Variants in SERPINA3 observed in about 807,000 individuals in gnomAD.
The protein encoded by SERPINA3 is serpin family A member 3, also known as alpha-1-antichymotrypsin.
In SERPINA3, 32 loss-of-function variants were observed where a neutral mutation model predicts 26.8. That is an observed-to-expected ratio of 1.20 (90% CI 0.90 to 1.61). SERPINA3 has a LOEUF of 1.61. Ranked by LOEUF, SERPINA3 falls within the 40% of genes most tolerant of loss-of-function variation. The pLI, the probability that SERPINA3 is intolerant of heterozygous loss-of-function variation, is 0.00. For missense variants in SERPINA3, 632 were observed against 517.9 expected (o/e 1.22, Z -2.14); for synonymous variants, 252 against 206.4 (o/e 1.22, Z -1.89).
chr14:94,612,526 G>A (rs1392600351), intron 1 of SERPINA3, 79 bp downstream of exon 1: 3 of 890,616 alleles, frequency 3.4e-6, no homozygotes, highest in Non-Finnish European at 4.9e-6. Context: ...CCTGGAGTGT[G>A]TGGAGTGTGA....
rs750391296 is a variant in SERPINA3, at chr14:94,622,772, G to T, written c.1068+281G>T. The T allele has an allele frequency of 6.3e-6, 3 of 479,180 alleles. 1 individual carries two copies. The East Asian group carries it at 1.2e-4, about 19-fold the overall frequency. 29.7% of individuals were successfully genotyped at this position (479,180 alleles called of 1,614,324 possible). On this transcript the variant is annotated intron_variant, in intron 4 of 4. Transcript: ENST00000393078. ...ACTATACCATTTACTATCCATGGGG[G>T]CAAACAATTAAAGTCCTCCACCCCC... is the stretch of plus-strand genomic sequence containing the variant.
chr14:94,623,906 C>T lies in SERPINA3; in HGVS notation c.*92C>T, dbSNP rs925168286. 25 of 1,127,734 alleles carry T rather than the reference C, an allele frequency of 2.2e-5. No homozygotes were observed. Among genetic ancestry groups the T allele is most frequent in the Non-Finnish European group, 2.8e-5 (21 of 746,874 alleles). 69.9% of individuals were successfully genotyped at this position (1,127,734 alleles called of 1,614,324 possible). A position where few individuals can be genotyped will look rare whatever the true frequency, so the allele number is the denominator to read the frequency against. On this transcript the variant is annotated 3_prime_UTR_variant, in exon 5 of 5. Transcript: ENST00000393078. ...TGGGCACAGCCTGGCCCCTGTGCAC[C>T]GAGTGGCCATGGCATGTGTGGCCCT...
In SERPINA3 at chr14:94,614,720, T is replaced by G. The variant is rs1031881430; in HGVS notation, c.279T>G (p.Asn93Lys). The G allele has an allele frequency of 2.5e-6, 4 of 1,614,122 alleles. No individual in the cohort carries two copies. Among genetic ancestry groups the G allele is most frequent in the Non-Finnish European group, 3.4e-6 (4 of 1,180,002 alleles). Residue 93 changes from asparagine to lysine, a missense_variant, in exon 2 of 5, where the codon AAT becomes AAG. Asn to Lys is a moderately conservative substitution (Grantham distance 94, BLOSUM62 0). Transcript: ENST00000393078. The part of the protein sequence containing the change: ...ALAFLSLGAH[N>K]TTLTEILKGL... Reference sequence around the variant, plus strand: ...CCTTCCTGTCTCTGGGGGCCCATAATACCACCCTGACAGAGATTCTCAAAG... The same window carrying G: ...CCTTCCTGTCTCTGGGGGCCCATAAGACCACCCTGACAGAGATTCTCAAAG...
At chr14:94,621,076 A>G (rs1485593874) in intron 3 of SERPINA3, among the ~76,000 whole-genome samples, 1 of 152,150 alleles carries the variant, frequency 6.6e-6, no homozygotes, top group Admixed American at 6.5e-5. Context: ...AGCTGCTTCA[A>G]CACTAACCTG....
chr14:94,615,632 T>C (rs2139955520), intron 2 of SERPINA3: 1 of 320,192 alleles, frequency 3.1e-6, no homozygotes, highest in East Asian at 9.6e-5. Flanking sequence ...TCTACTCTGC[T>C]ATCATCTTTA....
At chr14:94,615,506 A>G (rs1885961887) in intron 2 of SERPINA3, 1 of 456,316 alleles carries the variant, frequency 2.2e-6, no homozygotes, top group Non-Finnish European at 4.4e-6. Flanking sequence ...CACATGTGGG[A>G]GGAGCACATT....
chr14:94,623,715 C>T lies in SERPINA3; in HGVS notation c.1173C>T (p.Thr391=), dbSNP rs750030049. 5.0e-6 allele frequency: 8 copies of T among 1,614,114 alleles called. No individual in the cohort carries two copies. The highest frequency in any genetic ancestry group is 3.3e-5 in the South Asian group (3 of 91,070). Residue 391 remains threonine (T), a synonymous_variant, in exon 5 of 5, where the codon ACC becomes ACT. Transcript: ENST00000393078. ...TLLSALVETR[T]IVRFNRPFLM... ...TTTCTGCATTAGTGGAGACAAGGAC[C>T]ATTGTGCGTTTCAACAGGCCCTTCC...
rs971297620 is a variant in SERPINA3, at chr14:94,623,709, A to G, written c.1167A>G (p.Thr389=). 6 of 1,614,086 alleles carry G rather than the reference A, an allele frequency of 3.7e-6. No homozygotes were observed. The highest frequency in any genetic ancestry group is 2.7e-5 in the African/African-American group (2 of 74,928). The change falls in exon 5 of 5, where the codon ACA becomes ACG. Residue 389 remains threonine, a synonymous_variant. Coordinates refer to ENST00000393078, the MANE Select transcript of SERPINA3 (RefSeq NM_001085.5). ...CCCTCCTTTCTGCATTAGTGGAGAC[A>G]AGGACCATTGTGCGTTTCAACAGGC... ...KITLLSALVE[T]RTIVRFNRPF...
chr14:94,619,105 G>A (rs1244094073), intron 2 of SERPINA3, 90 bp from the exon 3 acceptor site: 22 of 1,468,882 alleles, frequency 1.5e-5, no homozygotes, highest in Non-Finnish European at 2.1e-5. Context: ...TCCTATGAGG[G>A]ACTCTGGGCA....
chr14:94,622,266 A>G, intron 3 of SERPINA3, 75 bp from the exon 4 acceptor site: 1 of 1,398,782 alleles, frequency 7.1e-7, no homozygotes, highest in Admixed American at 1.7e-5. Context: ...ACCAGGGAAG[A>G]CCATGCTGCG....
At chr14:94,620,578 C>T (rs1005333376) in intron 3 of SERPINA3, among the ~76,000 whole-genome samples, 14 of 152,132 alleles carry the variant, frequency 9.2e-5, no homozygotes, top group African/African-American at 3.1e-4. Flanking sequence ...AAGACTAATC[C>T]TGGCTGCTGA....
In SERPINA3 at chr14:94,614,425, G is replaced by T. The variant is rs1885900765; in HGVS notation, c.-8-9G>T. 1.2e-6 allele frequency: 2 copies of T among 1,612,032 alleles called. No individual in the cohort carries two copies. The highest frequency in any genetic ancestry group is 2.2e-5 in the East Asian group (1 of 44,864). On this transcript the variant is annotated splice_polypyrimidine_tract_variant and intron_variant, in intron 1 of 4. Coordinates refer to ENST00000393078, the MANE Select transcript of SERPINA3 (RefSeq NM_001085.5). The stretch of plus-strand genomic sequence containing the variant: ...GCCCTCTGAGACTTAAAGGAGCTTT[G>T]CTTTTCAGAGTTGAGAATGGAGAGA...
intron 4 of SERPINA3, 138 bp downstream of exon 4, chr14:94,622,629 C>T (rs936739259): frequency 1.0e-6 from 1 of 956,938 alleles, no homozygotes; most frequent in Non-Finnish European, 1.6e-6. Flanking sequence ...GCTTGGGACA[C>T]CCCCAAGCCA....
At position 94,622,449 on chromosome 14, in the gene SERPINA3, C is replaced by A. The variant is rs754805140; in HGVS notation, c.1026C>A (p.Asp342Glu). Reference sequence around the variant, plus strand: ...AGGAAGCCTTCACCAGCAAGGCTGACCTGTCAGGGATCACAGGGGCCAGGA... The same window carrying A: ...AGGAAGCCTTCACCAGCAAGGCTGAACTGTCAGGGATCACAGGGGCCAGGA... ...GIEEAFTSKA[D>E]LSGITGARNL... is the part of the protein sequence containing the mutation. Residue 342 changes from aspartate to glutamate, a missense_variant, in exon 4 of 5, where the codon GAC becomes GAA. Asp to Glu is a conservative substitution (Grantham distance 45, BLOSUM62 2). Transcript: ENST00000393078. The A allele has an allele frequency of 6.2e-7, 1 of 1,614,154 alleles. No individual in the cohort carries two copies. The highest frequency in any genetic ancestry group is 8.5e-7 in the Non-Finnish European group (1 of 1,180,032).
chr14:94,622,588 G>A (rs1327334560), intron 4 of SERPINA3, 97 bp downstream of exon 4: 38 of 1,350,096 alleles, frequency 2.8e-5, no homozygotes, highest in Middle Eastern at 4.9e-4. Flanking sequence ...TTGGGTTAAT[G>A]CACGTGCATT....
At chr14:94,617,201 T>G (rs1335338061) in intron 2 of SERPINA3, among the ~76,000 whole-genome samples, 4 of 152,184 alleles carry the variant, frequency 2.6e-5, no homozygotes, top group Admixed American at 6.5e-5. Context: ...CGGGGACACC[T>G]GTTCAACTGA....
At chr14:94,616,988 C>G (rs1239792381) in intron 2 of SERPINA3, among the ~76,000 whole-genome samples, 2 of 152,138 alleles carry the variant, frequency 1.3e-5, no homozygotes, top group Non-Finnish European at 2.9e-5. Flanking sequence ...CCAAACCTAT[C>G]TCTCTCCCCA....
chr14:94,617,829 T>C (rs1287518300), intron 2 of SERPINA3: 1 of 152,186 alleles, frequency 6.6e-6, no homozygotes, highest in Non-Finnish European at 1.5e-5. Context: ...CCTAGTAGTA[T>C]GTATTTTAGG....
At chr14:94,615,717 C>G (rs940837821) in intron 2 of SERPINA3, among the ~76,000 whole-genome samples, 38 of 152,208 alleles carry the variant, frequency 2.5e-4, no homozygotes, top group Admixed American at 1.3e-4. Context: ...TGGGGAAGAG[C>G]CTCAAGGGTG....
Sources: allele counts gnomAD v4.1 joint callset (sites outside exome capture counted in the v4.1 genomes callset), GRCh38; gene constraint gnomAD v4.1.1; transcripts MANE v1.5; gene names NCBI Gene and HGNC (gene_info 2026-07-23, HGNC 2026-07-21).